Variants in OSBPL3 observed in about 807,000 individuals in gnomAD.
OSBPL3 encodes oxysterol-binding protein-related protein 3.
A neutral mutation model predicts 120.1 loss-of-function variants in OSBPL3; 65 were observed. The ratio of observed to expected loss-of-function variants is 0.54; its 90% confidence interval spans 0.44 to 0.67. OSBPL3 has a LOEUF of 0.67. Ranked by LOEUF, OSBPL3 falls within the 30% of genes least tolerant of loss-of-function variation. OSBPL3 has a pLI of 0.00. For missense variants in OSBPL3, 1,004 were observed against 1,082.1 expected (o/e 0.93, Z 1.01); for synonymous variants, 416 against 402.6 (o/e 1.03, Z -0.40).
At chr7:24,892,810 C>A (rs1289407710) in intron 1 of OSBPL3, among the ~76,000 whole-genome samples, 189 bp from the exon 2 acceptor site, 1 of 152,262 alleles carries the variant, frequency 6.6e-6, no homozygotes, top group East Asian at 1.9e-4. Context: ...GGTGGTTTTT[C>A]ATGTAGCTTT....
chr7:24,911,904 T>C (rs774501105), intron 1 of OSBPL3, among the ~76,000 whole-genome samples: 5 of 152,214 alleles, frequency 3.3e-5, no homozygotes, highest in Non-Finnish European at 7.3e-5. Context: ...GTGGGGTGGT[T>C]ACTGGTAGAC....
At chr7:24,846,790 C>T (rs1369993445) in intron 12 of OSBPL3, among the ~76,000 whole-genome samples, 2 of 152,152 alleles carry the variant, frequency 1.3e-5, no homozygotes, top group East Asian at 1.9e-4. Context: ...CGAGGCCGGG[C>T]GCAGTGGCTC....
At chr7:24,969,848 T>C (rs1269540508) in intron 1 of OSBPL3, among the ~76,000 whole-genome samples, 1 of 152,196 alleles carries the variant, frequency 6.6e-6, no homozygotes, top group Non-Finnish European at 1.5e-5. Flanking sequence ...ACCAAAACAC[T>C]TTCTGCTAAG....
rs1420064615 is a variant in OSBPL3, at chr7:24,815,786, T to C, written c.2028-583A>G. Among the ~76,000 whole-genome samples, 2 of 152,154 alleles carry C rather than the reference T, an allele frequency of 1.3e-5. No homozygotes were observed. Among genetic ancestry groups the C allele is most frequent in the African/African-American group, 4.8e-5 (2 of 41,422 alleles). On this transcript the variant is annotated intron_variant, in intron 18 of 22. Transcript: ENST00000313367. This position sits in a 1 kb window ranked among gnomAD's most constrained non-coding sequence, Gnocchi z 5.1. ...CACAATAGCCCTAGGAAGTAGGTGG[T>C]TTATTATTCTCTTTTTCTAGATGGG...
rs1443079343 is a variant in OSBPL3 at position 24,849,948 on chromosome 7, A to AC, written c.1159-773_1159-772insG. 1.3e-5 allele frequency among the ~76,000 whole-genome samples: 2 copies of AC among 149,374 alleles called. No individual in the cohort carries two copies. The highest frequency in any genetic ancestry group is 3.0e-5 in the Non-Finnish European group (2 of 67,126). ...GTGAGAGTGAGACCCTGTCTCACGA[A>AC]AAAAAAAAAAAGAAATAAAGAAAGT... On this transcript the variant is annotated intron_variant, in intron 11 of 22. Transcript: ENST00000313367. The surrounding 1 kb of genome is among the most constrained non-coding windows in gnomAD (Gnocchi z 5.4).
rs78271752 is a variant in OSBPL3 at position 24,812,886 on chromosome 7, T to C, written c.2172+2173A>G. 4.0e-4 allele frequency among the ~76,000 whole-genome samples: 61 copies of C among 152,142 alleles called. No homozygotes were observed. The East Asian group carries it at 0.012, about 29-fold the overall frequency. ...ATTGAGACTCTTAAGTTGATTTATT[T>C]ATTTTTTGATGATACAGGGTCTTAT... On this transcript the variant is annotated intron_variant, in intron 19 of 22. Transcript: ENST00000313367.
At position 24,822,828 on chromosome 7, in the gene OSBPL3, A is replaced by G. The variant is rs1180767994; in HGVS notation, c.1885-2590T>C. 2.0e-5 allele frequency among the ~76,000 whole-genome samples: 3 copies of G among 152,214 alleles called. No homozygotes were observed. The highest frequency in any genetic ancestry group is 4.4e-5 in the Non-Finnish European group (3 of 68,038). On this transcript the variant is annotated intron_variant, in intron 16 of 22. Transcript: ENST00000313367. This position sits in a 1 kb window ranked among gnomAD's most constrained non-coding sequence, Gnocchi z 5.8. ...AAAAACCCAACCTTGATTTTTTTAA[A>G]CTATTGTGTTAGATAATGAATGAAT...
intron 13 of OSBPL3, among the ~76,000 whole-genome samples, chr7:24,841,717 A>AAAAAT (rs70942886): frequency 3.6e-5 from 3 of 82,798 alleles, no homozygotes; most frequent in South Asian, 4.5e-4. Context: ...AAAAAAAAAA[A>AAAAAT]AAAAGAGGCC....
In OSBPL3 at chr7:24,872,477, G is replaced by GTA. The variant is rs1802294884; in HGVS notation, c.97-409_97-408insTA. On this transcript the variant is annotated intron_variant, in intron 2 of 22. Transcript: ENST00000313367. This position sits in a 1 kb window ranked among gnomAD's most constrained non-coding sequence, Gnocchi z 4.1. ...TGTGTGTGTGTGTGTGTGTGTGTGT[G>GTA]TGTGTGTGTGGTGTTGGGGGAAGGA... Among the ~76,000 whole-genome samples the GTA allele has an allele frequency of 2.0e-5, 3 of 151,660 alleles. No homozygotes were observed. The highest frequency in any genetic ancestry group is 7.3e-5 in the African/African-American group (3 of 41,236).
At position 24,844,983 on chromosome 7, in the gene OSBPL3, G is replaced by A. The variant is rs12667639; in HGVS notation, c.1267-2570C>T. Among the ~76,000 whole-genome samples, 593 of 152,174 alleles carry A rather than the reference G, an allele frequency of 3.9e-3. 12 individuals carry two copies. The highest frequency in any genetic ancestry group is 0.018 in the East Asian group (91 of 5,176). On this transcript the variant is annotated intron_variant, in intron 12 of 22. Transcript: ENST00000313367. Reference sequence around the variant, plus strand: ...ATTGATAAATATTTTATTATATAGTGTCACAGAGTAATAATAAAATTAAGA... The same window carrying A: ...ATTGATAAATATTTTATTATATAGTATCACAGAGTAATAATAAAATTAAGA...
At chr7:24,914,831 G>GT (rs1809320313) in intron 1 of OSBPL3, among the ~76,000 whole-genome samples, 1 of 152,286 alleles carries the variant, frequency 6.6e-6, no homozygotes, top group East Asian at 1.9e-4. Flanking sequence ...ACTACAAACT[G>GT]TGTCACCACA....
rs563413064 is a variant in OSBPL3, at chr7:24,970,635, A to C, written c.-150+9251T>G. On this transcript the variant is annotated intron_variant, in intron 1 of 22. Transcript: ENST00000313367. ...AAGGAGGAGTGCTATAAACATATAT[A>C]TCCCGAACTGAAGTGAATATTCTTT... Among the ~76,000 whole-genome samples the C allele has an allele frequency of 9.1e-3, 1,374 of 150,314 alleles. 22 individuals are homozygous for C. Among genetic ancestry groups the C allele is most frequent in the African/African-American group, 0.032 (1,291 of 40,666 alleles).
At chr7:24,979,781 GGCAGAGAACCGCGGCGCCCCGCAAACA>G (rs1232421571) in intron 1 of OSBPL3, 78 bp downstream of exon 1, 1 of 622,448 alleles carries the variant, frequency 1.6e-6, no homozygotes, top group Non-Finnish European at 2.0e-6. Context: ...ACCCCGGTCC[GGCAGAGAACCGCGGCGCCCCGCAAACA>G]GCAGCCCTTC....
In OSBPL3 at chr7:24,881,727, C is replaced by G. The variant is rs946475664; in HGVS notation, c.97-9658G>C. Among the ~76,000 whole-genome samples, 2 of 152,174 alleles carry G rather than the reference C, an allele frequency of 1.3e-5. No homozygotes were observed. The highest frequency in any genetic ancestry group is 1.3e-4 in the Admixed American group (2 of 15,284). On this transcript the variant is annotated intron_variant, in intron 2 of 22. Coordinates refer to ENST00000313367, the MANE Select transcript of OSBPL3 (RefSeq NM_015550.4). The surrounding 1 kb of genome is among the most constrained non-coding windows in gnomAD (Gnocchi z 4.3). ...CACAAACTTTGGTGGCTTAAATAAACAGATATTTATTCTCTAGCCGTTCTG... is the reference window on the plus strand; with the variant it reads ...CACAAACTTTGGTGGCTTAAATAAAGAGATATTTATTCTCTAGCCGTTCTG...
chr7:24,825,397 G>A (rs1037517359), intron 16 of OSBPL3, among the ~76,000 whole-genome samples: 2 of 152,158 alleles, frequency 1.3e-5, no homozygotes, highest in African/African-American at 4.8e-5. Context: ...TGATTTTGGG[G>A]AGAATGCAGA....
At chr7:24,961,167 T>C (rs1815693849) in intron 1 of OSBPL3, among the ~76,000 whole-genome samples, 1 of 152,142 alleles carries the variant, frequency 6.6e-6, no homozygotes, top group Non-Finnish European at 1.5e-5. Context: ...ATACCTTCTT[T>C]CCCCACAACA....
chr7:24,877,302 C>T lies in OSBPL3; in HGVS notation c.97-5233G>A, dbSNP rs1316648962. On this transcript the variant is annotated intron_variant, in intron 2 of 22. Transcript: ENST00000313367. This position sits in a 1 kb window ranked among gnomAD's most constrained non-coding sequence, Gnocchi z 4.8. ...GAGGCAAGTAAGGTCTTCAACCCTG[C>T]TCAGAGATAGCTACTGTTTTCCCTA... 6.6e-6 allele frequency among the ~76,000 whole-genome samples: 1 copy of T among 152,172 alleles called. No individual in the cohort carries two copies. Among genetic ancestry groups the T allele is most frequent in the Admixed American group, 6.5e-5 (1 of 15,274 alleles).
At position 24,824,941 on chromosome 7, in the gene OSBPL3, G is replaced by C. The variant is rs1486278460; in HGVS notation, c.1885-4703C>G. ...GGGACACAGCAAAGGCCAATGGCTG[G>C]AAAATGCTTGGTATGAAGCAGAAGA... On this transcript the variant is annotated intron_variant, in intron 16 of 22. Transcript: ENST00000313367. The surrounding 1 kb of genome is among the most constrained non-coding windows in gnomAD (Gnocchi z 4.9). 6.6e-6 allele frequency among the ~76,000 whole-genome samples: 1 copy of C among 152,194 alleles called. No individual in the cohort carries two copies. The highest frequency in any genetic ancestry group is 1.5e-5 in the Non-Finnish European group (1 of 68,034).
chr7:24,826,705 T>A (rs572759990), intron 16 of OSBPL3, among the ~76,000 whole-genome samples: 305 of 152,302 alleles, frequency 2.0e-3, no homozygotes, highest in African/African-American at 7.1e-3. Context: ...AGATCATGAA[T>A]GCACGGAGCA....
Sources: gnomAD v4.1 joint callset for allele counts (sites outside exome capture counted in the v4.1 genomes callset) on GRCh38, gnomAD v4.1.1 for gene constraint, Gnocchi (gnomAD v3.1) non-coding constraint, MANE v1.5 for transcripts, NCBI Gene and HGNC (gene_info 2026-07-23, HGNC 2026-07-21) for gene names.